SIPA1L2: variants seen among roughly 807,000 people sequenced by gnomAD.
SIPA1L2 encodes the protein signal induced proliferation associated 1 like 2, also known as signal-induced proliferation-associated 1-like protein 2.
In SIPA1L2, 56 loss-of-function variants were observed where a neutral mutation model predicts 163.9. The observed-to-expected ratio is 0.34, with a 90% CI of 0.28 to 0.43. The LOEUF is 0.43. Ranked by LOEUF, SIPA1L2 falls within the 20% of genes least tolerant of loss-of-function variation. The probability of loss-of-function intolerance (pLI) is 1.00; values close to 1 mark genes in which losing one functional copy is unlikely to be tolerated. For missense variants in SIPA1L2, 1,974 were observed against 2,193.5 expected, an observed-to-expected ratio of 0.90 and a Z score of 2.00; for synonymous variants, 877 against 865.7, an observed-to-expected ratio of 1.01 and a Z score of -0.23.
chr1:232,530,850 T>G (rs1288026711), intron 2 of SIPA1L2, among the ~76,000 whole-genome samples: 1 of 152,172 alleles, frequency 6.6e-6, no homozygotes, highest in Admixed American at 6.5e-5. Flanking sequence ...ATCTCCGTTT[T>G]CCCCTCTCAC....
intron 3 of SIPA1L2, among the ~76,000 whole-genome samples, chr1:232,510,729 T>G (rs905901964): frequency 2.6e-5 from 4 of 152,076 alleles, no homozygotes; most frequent in African/African-American, 9.7e-5. Context: ...TAAAATCATC[T>G]CGGGGAACAG....
intron 11 of SIPA1L2, among the ~76,000 whole-genome samples, chr1:232,443,907 G>C (rs1234417949): frequency 6.6e-6 from 1 of 152,192 alleles, no homozygotes; most frequent in African/African-American, 2.4e-5. Flanking sequence ...TCCTAGGAAA[G>C]AGGTATGACA....
At chr1:232,530,254 C>T (rs1667911106) in intron 2 of SIPA1L2, among the ~76,000 whole-genome samples, 1 of 151,990 alleles carries the variant, frequency 6.6e-6, no homozygotes, top group Non-Finnish European at 1.5e-5. Flanking sequence ...GCTGGGACCA[C>T]AGGCGCACAC....
At chr1:232,609,700 G>A (rs1662141052) in intron 1 of SIPA1L2, among the ~76,000 whole-genome samples, 1 of 151,678 alleles carries the variant, frequency 6.6e-6, no homozygotes, top group South Asian at 2.1e-4. Context: ...TGTGGTGGTG[G>A]GTGCCTGTAA....
intron 14 of SIPA1L2, 64 bp from the exon 15 acceptor site, chr1:232,439,560 G>C (rs1210442880): frequency 6.5e-7 from 1 of 1,540,734 alleles, no homozygotes; most frequent in Non-Finnish European, 8.8e-7. Context: ...TTCTCACCCT[G>C]ACTCAGGGAG....
chr1:232,625,170 G>A (rs1221114593), intron 1 of SIPA1L2, among the ~76,000 whole-genome samples: 2 of 152,164 alleles, frequency 1.3e-5, no homozygotes, highest in African/African-American at 2.4e-5. Flanking sequence ...GAGCTATATG[G>A]GCTAGTTATA....
chr1:232,596,531 A>G (rs1203241169), intron 1 of SIPA1L2, among the ~76,000 whole-genome samples: 3 of 152,246 alleles, frequency 2.0e-5, no homozygotes, highest in Non-Finnish European at 4.4e-5. Context: ...TAAGACATTT[A>G]GAATTGCTTA....
chr1:232,626,138 A>G (rs74145308), intron 1 of SIPA1L2, among the ~76,000 whole-genome samples: 243 of 152,016 alleles, frequency 1.6e-3, no homozygotes, highest in African/African-American at 5.7e-3. Flanking sequence ...GACGAAATGC[A>G]TTGACAATAG....
At chr1:232,562,931 A>C (rs1165186840) in intron 2 of SIPA1L2, among the ~76,000 whole-genome samples, 1 of 152,226 alleles carries the variant, frequency 6.6e-6, no homozygotes, top group Non-Finnish European at 1.5e-5. Flanking sequence ...TGTCGAGAGA[A>C]CCCAGGCATG....
At chr1:232,495,086 G>A (rs1666112171) in intron 3 of SIPA1L2, among the ~76,000 whole-genome samples, 1 of 152,206 alleles carries the variant, frequency 6.6e-6, no homozygotes. Context: ...AAAGAGATCA[G>A]CAAAGGAAAA....
At chr1:232,563,955 TCG>T (rs1659198352) in intron 2 of SIPA1L2, among the ~76,000 whole-genome samples, 27 of 116,762 alleles carry the variant, frequency 2.3e-4, no homozygotes, top group African/African-American at 6.8e-4. Flanking sequence ...TTTTTTTTTT[TCG>T]TGTGTGTGTG....
intron 12 of SIPA1L2, among the ~76,000 whole-genome samples, chr1:232,442,779 A>G (rs1205883260): frequency 1.3e-5 from 2 of 152,206 alleles, no homozygotes; most frequent in Admixed American, 1.3e-4. Context: ...AACATCAAAA[A>G]ATCCTCTCTT....
intron 9 of SIPA1L2, among the ~76,000 whole-genome samples, chr1:232,462,724 A>G (rs1368457105): frequency 6.6e-6 from 1 of 152,236 alleles, no homozygotes; most frequent in Non-Finnish European, 1.5e-5. Context: ...AAGACGACAC[A>G]TAAGATGTAC....
chr1:232,510,881 T>C (rs1666949000), intron 3 of SIPA1L2, among the ~76,000 whole-genome samples: 1 of 152,194 alleles, frequency 6.6e-6, no homozygotes, highest in Admixed American at 6.5e-5. Context: ...TGAACATATA[T>C]ATAATTTTAT....
chr1:232,609,520 A>G (rs1662131200), intron 1 of SIPA1L2, among the ~76,000 whole-genome samples: 1 of 152,178 alleles, frequency 6.6e-6, no homozygotes, highest in Admixed American at 6.5e-5. Flanking sequence ...ACCTGAGTAG[A>G]TAAATTATCA....
At chr1:232,460,239 A>T (rs2102916072) in intron 10 of SIPA1L2, among the ~76,000 whole-genome samples, 1 of 152,332 alleles carries the variant, frequency 6.6e-6, no homozygotes, top group African/African-American at 2.4e-5. Flanking sequence ...GTAATGTAAT[A>T]GTATTGCTTT....
chr1:232,565,556 G>A (rs935140655), intron 2 of SIPA1L2, among the ~76,000 whole-genome samples: 3 of 152,162 alleles, frequency 2.0e-5, no homozygotes, highest in African/African-American at 7.2e-5. Flanking sequence ...AAGAACACCT[G>A]CAAAATGCTG....
At chr1:232,456,105 T>C (rs756541317) in intron 10 of SIPA1L2, among the ~76,000 whole-genome samples, 4 of 151,662 alleles carry the variant, frequency 2.6e-5, no homozygotes, top group Non-Finnish European at 5.9e-5. Context: ...ACCTAAAAGC[T>C]GGGAAGAAAA....
chr1:232,481,677 T>C (rs1665366331), intron 6 of SIPA1L2, among the ~76,000 whole-genome samples: 1 of 152,236 alleles, frequency 6.6e-6, no homozygotes, highest in African/African-American at 2.4e-5. Flanking sequence ...AATTTTATCA[T>C]TCTCTGCACC....
Sources: gnomAD v4.1 joint callset for allele counts (sites outside exome capture counted in the v4.1 genomes callset) on GRCh38, gnomAD v4.1.1 for gene constraint, MANE v1.5 for transcripts, NCBI Gene and HGNC (gene_info 2026-07-23, HGNC 2026-07-21) for gene names.